TKTL1: variants seen among roughly 807,000 people sequenced by gnomAD.
The protein encoded by TKTL1 is transketolase-like protein 1.
TKTL1 carries 1 observed loss-of-function variant against 39.3 expected under a neutral mutation model. The ratio of observed to expected loss-of-function variants is 0.03; its 90% CI spans 0.01 to 0.12. The LOEUF (loss-of-function observed/expected upper bound fraction) is 0.12, where lower values mean the gene tolerates loss of function less well. Ranked by LOEUF, TKTL1 falls within the 10% of genes least tolerant of loss-of-function variation. The pLI, the probability that TKTL1 is intolerant of heterozygous loss-of-function variation, is 1.00. For missense variants in TKTL1, 575 were observed against 509.6 expected (o/e 1.13, Z -1.24); for synonymous variants, 262 against 193.8 (o/e 1.35, Z -2.92).
At position 154,326,354 on chromosome X, in the gene TKTL1, G is replaced by A. The variant is rs1489263834; in HGVS notation, c.1401+932G>A. Among the ~76,000 whole-genome samples the A allele has an allele frequency of 2.7e-5, 3 of 112,369 alleles. No homozygotes were observed. In the East Asian group the frequency reaches 8.3e-4, roughly 31 times the overall value. On this transcript the variant is annotated intron_variant, in intron 10 of 12. Transcript: ENST00000369915. The stretch of plus-strand genomic sequence containing the variant: ...TGACTCTGCTCATCACCTAGGGAGT[G>A]GGGCTTGTAGACATTTTGGCATGCT...
At chrX:154,308,233 AG>A (rs1323693235) in intron 2 of TKTL1, among the ~76,000 whole-genome samples, 2 of 112,093 alleles carry the variant, frequency 1.8e-5, no homozygotes, top group Admixed American at 1.9e-4. Flanking sequence ...ACGCTTGAGC[AG>A]GGATTTGGAA....
chrX:154,316,187 A>G (rs1557169347), intron 7 of TKTL1, among the ~76,000 whole-genome samples: 1 of 111,332 alleles, frequency 9.0e-6, no homozygotes, highest in Non-Finnish European at 1.9e-5. Flanking sequence ...CTCCTGCCTC[A>G]GCCTCCCAAG....
intron 1 of TKTL1, among the ~76,000 whole-genome samples, chrX:154,300,008 G>GTT (rs2067260721): frequency 3.1e-5 from 3 of 98,067 alleles, no homozygotes; most frequent in African/African-American, 1.3e-4. Context: ...ACTACTTTTA[G>GTT]TATTTTTTTT....
intron 12 of TKTL1, among the ~76,000 whole-genome samples, chrX:154,328,605 G>A (rs782187034): frequency 7.0e-5 from 6 of 85,598 alleles, no homozygotes; most frequent in African/African-American, 2.0e-4. Context: ...GTGCCCCGAC[G>A]AAAGCAGGTA....
At chrX:154,314,477 A>G (rs1388188043) in intron 6 of TKTL1, among the ~76,000 whole-genome samples, 1 of 111,672 alleles carries the variant, frequency 9.0e-6, no homozygotes, top group Admixed American at 9.5e-5. Flanking sequence ...TAAAGGAAGG[A>G]GGGAAGTGTG....
chrX:154,308,289 C>T (rs1715745333), intron 2 of TKTL1, among the ~76,000 whole-genome samples: 1 of 111,661 alleles, frequency 9.0e-6, no homozygotes, highest in Non-Finnish European at 1.9e-5. Context: ...ACAAGCACTC[C>T]GGTAGTGGGT....
intron 7 of TKTL1, among the ~76,000 whole-genome samples, chrX:154,315,975 G>A (rs782554076): frequency 5.4e-5 from 6 of 111,786 alleles, no homozygotes; most frequent in Non-Finnish European, 9.4e-5. Flanking sequence ...AAAGCTCTGC[G>A]CGTCATAGAA....
chrX:154,320,128 GGGCCA>G (rs1569551085), intron 7 of TKTL1, among the ~76,000 whole-genome samples: 1 of 112,234 alleles, frequency 8.9e-6, no homozygotes. Flanking sequence ...TTGAGATCAG[GGGCCA>G]AGTCAAGTCA....
rs1439408144 is a variant in TKTL1 at position 154,318,438 on chromosome X, G to A, written c.1030-2319G>A. On this transcript the variant is annotated intron_variant, in intron 7 of 12. Coordinates refer to ENST00000369915, the MANE Select transcript of TKTL1 (RefSeq NM_012253.4). The stretch of plus-strand genomic sequence containing the variant: ...GACCAGGCCGGGTGCGGTGGCTCAC[G>A]CCTGTAATCCCAGCACTTTGGGAGG... Among the ~76,000 whole-genome samples the A allele has an allele frequency of 1.1e-4, 12 of 108,616 alleles. No homozygotes were observed. In the East Asian group the frequency reaches 1.7e-3, roughly 16 times the overall value. 94.3% of individuals were successfully genotyped at this position (108,616 alleles called of 115,157 possible). A position where few individuals can be genotyped will look rare whatever the true frequency, so the allele number is the denominator to read the frequency against.
chrX:154,316,092 T>C (rs1448976138), intron 7 of TKTL1, among the ~76,000 whole-genome samples: 2 of 111,886 alleles, frequency 1.8e-5, no homozygotes, highest in Non-Finnish European at 3.8e-5. Context: ...AAAAAAATTT[T>C]TTTAGACGAA....
intron 9 of TKTL1, 149 bp from the exon 10 acceptor site, chrX:154,325,190 C>G: frequency 1.9e-6 from 1 of 530,714 alleles, no homozygotes; most frequent in Non-Finnish European, 3.2e-6. Context: ...CTGTCGTCCA[C>G]TGGTTGTAGA....
chrX:154,327,192 A>G (rs1017095710), intron 10 of TKTL1: 14 of 283,921 alleles, frequency 4.9e-5, no homozygotes, highest in South Asian at 4.9e-4. Context: ...TCAGCTGCAG[A>G]ACGGTTGTGC....
chrX:154,306,988 T>C (rs1232419680), intron 2 of TKTL1, among the ~76,000 whole-genome samples: 3 of 110,650 alleles, frequency 2.7e-5, no homozygotes, highest in Admixed American at 1.9e-4. Flanking sequence ...TATGGGTGTT[T>C]AGATTTCTGG....
Position 154,329,864 on chromosome X carries a change from G to A in TKTL1, c.*176G>A. The A allele has an allele frequency of 2.1e-6, 1 of 467,837 alleles. No homozygotes were observed. The allele number at this position is 467,837 out of a possible 1,213,427, so 38.6% of individuals were successfully genotyped here. A position where few individuals can be genotyped will look rare whatever the true frequency, so the allele number is the denominator to read the frequency against. On this transcript the variant is annotated 3_prime_UTR_variant, in exon 13 of 13. Transcript: ENST00000369915. ...ACTACTTACCCTTTAAACTGTCACT[G>A]CATATGCAAGTACCGCTCTAATTTT...
chrX:154,297,262 TC>T lies in TKTL1; in HGVS notation c.134+1270del, dbSNP rs2067237752. On this transcript the variant is annotated intron_variant, in intron 1 of 12. Coordinates refer to ENST00000369915, the MANE Select transcript of TKTL1 (RefSeq NM_012253.4). ...CTACAGGTTTTTTTTGTTTTTTTTT[TC>T]TTTTTTTGTTTTGAGACGAAGTATC... 1.2e-4 allele frequency among the ~76,000 whole-genome samples: 13 copies of T among 111,655 alleles called. No homozygotes were observed. In the South Asian group the frequency reaches 4.8e-3, roughly 42 times the overall value.
In TKTL1 at chrX:154,295,822, G is replaced by C. The variant is rs199897719; in HGVS notation, c.-38G>C. 1 of 1,198,651 alleles carries C rather than the reference G, an allele frequency of 8.3e-7. No homozygotes were observed. Among genetic ancestry groups the C allele is most frequent in the African/African-American group, 1.7e-5 (1 of 57,407 alleles). On this transcript the variant is annotated 5_prime_UTR_variant, in exon 1 of 13. Transcript: ENST00000369915. ...CATTCGCTCTTCAGACGCCGGAGAC[G>C]TAGGAGTGGGTCTTCAGACTCCAAA... is the stretch of plus-strand genomic sequence containing the variant.
intron 6 of TKTL1, 47 bp from the exon 7 acceptor site, chrX:154,315,126 A>C: frequency 1.7e-6 from 2 of 1,152,136 alleles, no homozygotes; most frequent in Non-Finnish European, 2.4e-6. Context: ...CGTTCCTTCT[A>C]AATGCATTTG....
intron 1 of TKTL1, among the ~76,000 whole-genome samples, chrX:154,303,837 C>T (rs1374964190): frequency 1.8e-5 from 2 of 108,939 alleles, no homozygotes; most frequent in Non-Finnish European, 3.8e-5. Flanking sequence ...CCCTACCCCC[C>T]GCCCCCCACC....
rs782445403 is a variant in TKTL1 at position 154,295,814 on chromosome X, C to A, written c.-46C>A. 7 of 1,190,803 alleles carry A rather than the reference C, an allele frequency of 5.9e-6. No homozygotes were observed. In the South Asian group the frequency reaches 1.1e-4, roughly 19 times the overall value. On this transcript the variant is annotated 5_prime_UTR_variant, in exon 1 of 13. Coordinates refer to ENST00000369915, the MANE Select transcript of TKTL1 (RefSeq NM_012253.4). Reference sequence around the variant, plus strand: ...GCAGGCGCCATTCGCTCTTCAGACGCCGGAGACGTAGGAGTGGGTCTTCAG... The same window carrying A: ...GCAGGCGCCATTCGCTCTTCAGACGACGGAGACGTAGGAGTGGGTCTTCAG...
Sources: gnomAD v4.1 joint callset for allele counts (sites outside exome capture counted in the v4.1 genomes callset) on GRCh38, gnomAD v4.1.1 for gene constraint, MANE v1.5 for transcripts, NCBI Gene and HGNC (gene_info 2026-07-23, HGNC 2026-07-21) for gene names.